The following PGPEP1L variants were observed in gnomAD, a reference collection of about 807,000 sequenced individuals.
PGPEP1L encodes the protein pyroglutamyl-peptidase 1-like protein.
A neutral mutation model predicts 6.0 loss-of-function variants in PGPEP1L; 7 were observed. The ratio of observed to expected loss-of-function variants is 1.17; its 90% CI spans 0.66 to 2.19. The LOEUF (loss-of-function observed/expected upper bound fraction) is 2.19. PGPEP1L is among the 30% of genes most tolerant of loss of function. The probability of loss-of-function intolerance (pLI) is 0.00; values close to 1 mark genes in which losing one functional copy is unlikely to be tolerated. For missense variants in PGPEP1L, 209 were observed against 192.5 expected (o/e 1.09, Z -0.51); for synonymous variants, 103 against 83.9 (o/e 1.23, Z -1.24).
chr15:98,969,652 C>G lies in PGPEP1L; in HGVS notation c.-18-1G>C. ...TGTCCATGCCCACATGCACGACGAGCTGTGTGAACGGGTAACAGCAGAGAG... is the reference window on the plus strand; with the variant it reads ...TGTCCATGCCCACATGCACGACGAGGTGTGTGAACGGGTAACAGCAGAGAG... On this transcript the variant is annotated splice_acceptor_variant, in intron 3 of 4. Coordinates refer to ENST00000535714, the MANE Select transcript of PGPEP1L (RefSeq NM_001167902.2). LOFTEE classifies it low-confidence loss of function (5UTR_SPLICE). 6.2e-7 allele frequency: 1 copy of G among 1,610,318 alleles called. No homozygotes were observed. Among genetic ancestry groups the G allele is most frequent in the South Asian group, 1.1e-5 (1 of 91,050 alleles).
intron 2 of PGPEP1L, among the ~76,000 whole-genome samples, chr15:99,004,573 C>T (rs1387235896): frequency 1.1e-4 from 17 of 151,474 alleles, no homozygotes; most frequent in Admixed American, 1.1e-3. Flanking sequence ...CAAAAATTAG[C>T]TGGGCGTGGT....
intron 2 of PGPEP1L, among the ~76,000 whole-genome samples, chr15:98,999,224 A>G (rs1402209219): frequency 3.3e-5 from 5 of 152,234 alleles, no homozygotes; most frequent in African/African-American, 1.2e-4. Context: ...TATAAAATAC[A>G]TAAAGAACTC....
chr15:98,984,009 CTT>C (rs71456904), intron 2 of PGPEP1L, among the ~76,000 whole-genome samples: 38,923 of 115,580 alleles, frequency 0.34, 5,448 homozygotes, highest in Non-Finnish European at 0.39. Context: ...AGTAAGTAGT[CTT>C]TTTTTTTTTT....
In PGPEP1L at chr15:98,974,360, C is replaced by G. The variant is rs372146983; in HGVS notation, c.-141-3202G>C. Among the ~76,000 whole-genome samples, 36 of 152,098 alleles carry G rather than the reference C, an allele frequency of 2.4e-4. 1 individual carries two copies. In the South Asian group the frequency reaches 6.6e-3, roughly 28 times the overall value. ...CAGCACTGCACTCCAGCCTGGGTGA[C>G]CGTGTGAGACCCTGTCTCAAAAAAA... On this transcript the variant is annotated intron_variant, in intron 2 of 4. Transcript: ENST00000535714.
intron 2 of PGPEP1L, among the ~76,000 whole-genome samples, chr15:98,995,224 T>C (rs1195609332): frequency 6.6e-6 from 1 of 152,252 alleles, no homozygotes; most frequent in Non-Finnish European, 1.5e-5. Context: ...TCTGTCTTCT[T>C]TCTGTATCTC....
chr15:99,006,701 G>A (rs1482152996), intron 1 of PGPEP1L, among the ~76,000 whole-genome samples: 3 of 152,180 alleles, frequency 2.0e-5, no homozygotes, highest in Non-Finnish European at 4.4e-5. Context: ...CATAGTCCTG[G>A]CTTCTCAGGG....
At chr15:98,980,290 G>C (rs969733914) in intron 2 of PGPEP1L, among the ~76,000 whole-genome samples, 2 of 152,118 alleles carry the variant, frequency 1.3e-5, no homozygotes, top group African/African-American at 4.8e-5. Context: ...CCTTGGAGCA[G>C]AGAAACCTGA....
At chr15:98,999,877 C>CA (rs1178533969) in intron 2 of PGPEP1L, among the ~76,000 whole-genome samples, 1 of 152,278 alleles carries the variant, frequency 6.6e-6, no homozygotes, top group Non-Finnish European at 1.5e-5. Flanking sequence ...GAGAAGGTGA[C>CA]AGCATGCTGG....
chr15:98,983,758 G>A (rs1373832618), intron 2 of PGPEP1L, among the ~76,000 whole-genome samples: 2 of 152,160 alleles, frequency 1.3e-5, no homozygotes, highest in Non-Finnish European at 2.9e-5. Flanking sequence ...GCTTTTCTGG[G>A]AGTTTGTAGG....
intron 2 of PGPEP1L, among the ~76,000 whole-genome samples, chr15:98,982,330 C>G (rs1254965685): frequency 6.6e-6 from 1 of 151,696 alleles, no homozygotes; most frequent in African/African-American, 2.4e-5. Flanking sequence ...TGGACTCACA[C>G]AGTCCCCATA....
At chr15:98,993,705 G>A (rs892181421) in intron 2 of PGPEP1L, among the ~76,000 whole-genome samples, 3 of 152,114 alleles carry the variant, frequency 2.0e-5, no homozygotes, top group Middle Eastern at 6.8e-3. Flanking sequence ...GATAGCATTA[G>A]GAGAAATACC....
chr15:98,982,007 G>A (rs1285122042), intron 2 of PGPEP1L, among the ~76,000 whole-genome samples: 1 of 152,178 alleles, frequency 6.6e-6, no homozygotes, highest in African/African-American at 2.4e-5. Flanking sequence ...GGTTTTTCTG[G>A]CTTGTCTTCC....
chr15:99,006,985 C>T (rs1266854213), intron 1 of PGPEP1L, among the ~76,000 whole-genome samples: 4 of 152,154 alleles, frequency 2.6e-5, no homozygotes, highest in Non-Finnish European at 5.9e-5. Flanking sequence ...ACAGCAGGAC[C>T]ACGTGGCTCC....
intron 4 of PGPEP1L, among the ~76,000 whole-genome samples, 173 bp downstream of exon 4, chr15:98,969,252 G>A (rs954444912): frequency 2.6e-5 from 4 of 152,168 alleles, no homozygotes; most frequent in African/African-American, 7.2e-5. Flanking sequence ...CTCAGGCAAG[G>A]TGTGAGCAAC....
chr15:98,985,220 T>C lies in PGPEP1L; in HGVS notation c.-141-14062A>G, dbSNP rs78654190. ...CGCTCACCCTCAGGTCCTCAGGTTCTTCTATCTCTTGATTTCTACTAAGTT... is the reference window on the plus strand; with the variant it reads ...CGCTCACCCTCAGGTCCTCAGGTTCCTCTATCTCTTGATTTCTACTAAGTT... On this transcript the variant is annotated intron_variant, in intron 2 of 4. Transcript: ENST00000535714. Among the ~76,000 whole-genome samples the C allele has an allele frequency of 2.0e-5, 3 of 152,272 alleles. No homozygotes were observed. The East Asian group carries it at 5.8e-4, about 29-fold the overall frequency.
At position 98,985,049 on chromosome 15, in the gene PGPEP1L, CAAG is replaced by C. The variant is rs555384362; in HGVS notation, c.-141-13894_-141-13892del. 1.5e-3 allele frequency among the ~76,000 whole-genome samples: 222 copies of C among 152,128 alleles called. 1 individual carries two copies. The South Asian group carries it at 0.018, about 12-fold the overall frequency. ...ACCACGCACACGGCCCTATGGTGAG[CAAG>C]AAGATTGAGCAGCCTATAGTGCAGT... On this transcript the variant is annotated intron_variant, in intron 2 of 4. Transcript: ENST00000535714.
chr15:98,969,926 TTC>T (rs1274069087), intron 3 of PGPEP1L, among the ~76,000 whole-genome samples: 1 of 152,210 alleles, frequency 6.6e-6, no homozygotes, highest in Non-Finnish European at 1.5e-5. Flanking sequence ...GGGTAATGTA[TTC>T]TCTTTTTGTG....
chr15:98,976,633 T>A (rs896698827), intron 2 of PGPEP1L, among the ~76,000 whole-genome samples: 2 of 152,090 alleles, frequency 1.3e-5, no homozygotes, highest in African/African-American at 4.8e-5. Context: ...ATAGATGTTT[T>A]CCTAGGAACA....
chr15:98,991,313 G>T (rs2017816677), intron 2 of PGPEP1L, among the ~76,000 whole-genome samples: 1 of 152,160 alleles, frequency 6.6e-6, no homozygotes, highest in African/African-American at 2.4e-5. Flanking sequence ...ACTACCATCA[G>T]AGAATACTAT....
Sources: gnomAD v4.1 joint callset for allele counts (sites outside exome capture counted in the v4.1 genomes callset) on GRCh38, gnomAD v4.1.1 for gene constraint, MANE v1.5 for transcripts, NCBI Gene and HGNC (gene_info 2026-07-23, HGNC 2026-07-21) for gene names.